GTSF1: variants seen among roughly 807,000 people sequenced by gnomAD.
GTSF1 encodes the protein gametocyte specific factor 1.
GTSF1 carries 11 observed loss-of-function variants against 28.9 expected under a neutral mutation model. The ratio of observed to expected loss-of-function variants is 0.38; its 90% CI spans 0.24 to 0.63. GTSF1 has a LOEUF of 0.63. Among genes scored for constraint, GTSF1 ranks in the 30% least tolerant of loss-of-function variants. GTSF1 has a pLI of 0.56. For missense variants in GTSF1, 146 were observed against 201.0 expected (o/e 0.73, Z 1.66); for synonymous variants, 69 against 65.6 (o/e 1.05, Z -0.25).
At chr12:54,471,356 C>T (rs778033679) in intron 1 of GTSF1, 79 bp from the exon 2 acceptor site, 1 of 966,480 alleles carries the variant, frequency 1.0e-6, no homozygotes, top group Admixed American at 2.9e-5. Context: ...GGAGTCACTT[C>T]TGGATTTGAA....
At chr12:54,466,641 TG>T (rs1956516271) in intron 2 of GTSF1, among the ~76,000 whole-genome samples, 7 of 152,168 alleles carry the variant, frequency 4.6e-5, no homozygotes, top group Admixed American at 4.6e-4. Context: ...TGTCAGCAGC[TG>T]ATAGACTGGA....
intron 2 of GTSF1, chr12:54,469,077 CTTT>C (rs1312585021): frequency 6.6e-6 from 1 of 152,098 alleles, no homozygotes; most frequent in Non-Finnish European, 1.5e-5. Flanking sequence ...CATTCTTCTT[CTTT>C]TTTCTTTTAA....
intron 3 of GTSF1, 56 bp downstream of exon 3, chr12:54,465,011 A>T (rs1270005690): frequency 3.0e-6 from 3 of 999,404 alleles, no homozygotes; most frequent in Non-Finnish European, 4.6e-6. Flanking sequence ...ATATTTATAA[A>T]ATATGGCCTT....
rs140829573 is a variant in GTSF1, at chr12:54,458,474, C to T, written c.*20+615G>A. ...TGCAACCTCTGCCTCCCAGTTCAGG[C>T]GATTCTCCTGCCTCAGCCTCCCGAG... On this transcript the variant is annotated intron_variant, in intron 8 of 8. Coordinates refer to ENST00000305879, the MANE Select transcript of GTSF1 (RefSeq NM_144594.3). Among the ~76,000 whole-genome samples the T allele has an allele frequency of 2.5e-3, 374 of 152,250 alleles. 2 individuals are homozygous for T. The highest frequency in any genetic ancestry group is 8.1e-3 in the African/African-American group (336 of 41,538).
At chr12:54,460,547 G>A (rs1956405698) in intron 6 of GTSF1, 76 bp from the exon 7 acceptor site, 3 of 984,286 alleles carry the variant, frequency 3.0e-6, no homozygotes, top group African/African-American at 3.3e-5. Context: ...ATCAAAATGT[G>A]TTTTTTGTAA....
chr12:54,456,854 G>T (rs532934979), intron 8 of GTSF1, among the ~76,000 whole-genome samples: 42 of 152,276 alleles, frequency 2.8e-4, no homozygotes, highest in African/African-American at 9.6e-4. Context: ...GGAGGCCAAG[G>T]CGGGTGGAAC....
rs1342021886 is a variant in GTSF1, at chr12:54,473,532, G to A, written c.-30+14C>T. 1 of 152,158 alleles carries A rather than the reference G, an allele frequency of 6.6e-6. No individual in the cohort carries two copies. The highest frequency in any genetic ancestry group is 2.4e-5 in the African/African-American group (1 of 41,430). The allele number at this position is 152,158 out of a possible 1,614,324, so 9.4% of individuals were successfully genotyped here. ...AGGAATTGCTTAGAGGCGCCCCGGG[G>A]TGCCTTTCCTTACCTCGGTGGACAC... On this transcript the variant is annotated intron_variant, in intron 1 of 8. Transcript: ENST00000305879.
intron 2 of GTSF1, 117 bp from the exon 3 acceptor site, chr12:54,465,284 A>G (rs1209059441): frequency 1.8e-6 from 1 of 551,802 alleles, no homozygotes; most frequent in African/African-American, 1.9e-5. Flanking sequence ...AATATAGTCT[A>G]AAGAAAACTT....
At chr12:54,472,636 C>T (rs1383345173) in intron 1 of GTSF1, 1 of 152,170 alleles carries the variant, frequency 6.6e-6, no homozygotes, top group Non-Finnish European at 1.5e-5. Context: ...TTGTCTGTCT[C>T]TAGAGCATGC....
At chr12:54,460,934 C>T (rs575472121) in intron 6 of GTSF1, among the ~76,000 whole-genome samples, 2 of 152,272 alleles carry the variant, frequency 1.3e-5, no homozygotes, top group South Asian at 2.1e-4. Context: ...TTACTGTTCT[C>T]AGTAGTTAAA....
intron 8 of GTSF1, 72 bp downstream of exon 8, chr12:54,459,017 C>G: frequency 9.5e-7 from 1 of 1,047,382 alleles, no homozygotes; most frequent in Non-Finnish European, 1.4e-6. Context: ...AAAATTGGAC[C>G]CAAATTGCTT....
intron 6 of GTSF1, among the ~76,000 whole-genome samples, chr12:54,460,805 G>A (rs1051383824): frequency 1.3e-5 from 2 of 152,128 alleles, no homozygotes; most frequent in East Asian, 3.8e-4. Context: ...AAGTGCTAAG[G>A]CAACCAAACC....
In GTSF1 at chr12:54,462,141, G is replaced by C. The variant is rs1027206150; in HGVS notation, c.360C>G (p.Val120=). Residue 120 remains valine (V), a synonymous_variant, in exon 6 of 9, where the codon GTC becomes GTG. Transcript: ENST00000305879. Reference sequence around the variant, plus strand: ...TGTCAGAGTAGTGAGTTGTGCCCCAGACAAATGGGGTGCTGGTCTGCTCCC... The same window carrying C: ...TGTCAGAGTAGTGAGTTGTGCCCCACACAAATGGGGTGCTGGTCTGCTCCC... ...DLWEQTSTPF[V]WGTTHYSDNN... The C allele has an allele frequency of 6.2e-7, 1 of 1,613,726 alleles. No homozygotes were observed. Among genetic ancestry groups the C allele is most frequent in the Admixed American group, 1.7e-5 (1 of 60,000 alleles).
intron 6 of GTSF1, among the ~76,000 whole-genome samples, chr12:54,460,863 C>T (rs73308566): frequency 0.11 from 16,023 of 152,128 alleles, 1,014 homozygotes; most frequent in African/African-American, 0.17. Context: ...TTGTAGCCAA[C>T]GGAATTCATT....
At chr12:54,464,584 A>G (rs533339382) in intron 3 of GTSF1, 1 of 152,440 alleles carries the variant, frequency 6.6e-6, no homozygotes, top group East Asian at 1.9e-4. Context: ...AAAAATCGTT[A>G]TTTATTATTT....
Position 54,465,051 on chromosome 12 carries a change from C to A in GTSF1, c.117+16G>T, listed in dbSNP as rs201025305. On this transcript the variant is annotated intron_variant, in intron 3 of 8. Coordinates refer to ENST00000305879, the MANE Select transcript of GTSF1 (RefSeq NM_144594.3). ...AAGAACTCAGGAGGGTGTTAGAGGG[C>A]AAATTATGACCCTACCTTTCTGCAC... 8 of 1,574,820 alleles carry A rather than the reference C, an allele frequency of 5.1e-6. No homozygotes were observed. The highest frequency in any genetic ancestry group is 6.1e-6 in the Non-Finnish European group (7 of 1,145,450).
Position 54,466,838 on chromosome 12 carries a change from CAG to C in GTSF1, c.17-1673_17-1672del, listed in dbSNP as rs1481545779. ...AATCTTTTTTTTTTTTTTTTTTTGACAGAGTCTTATTCTGTTGCCCAGGCTGG... is the reference window on the plus strand; with the variant it reads ...AATCTTTTTTTTTTTTTTTTTTTGACAGTCTTATTCTGTTGCCCAGGCTGG... On this transcript the variant is annotated intron_variant, in intron 2 of 8. Coordinates refer to ENST00000305879, the MANE Select transcript of GTSF1 (RefSeq NM_144594.3). The C allele has an allele frequency of 2.5e-3, 146 of 58,704 alleles. 1 individual carries two copies. The East Asian group carries it at 0.04, about 16-fold the overall frequency. The allele number at this position is 58,704 out of a possible 1,614,324, so 3.6% of individuals were successfully genotyped here.
chr12:54,458,365 T>C (rs1956368380), intron 8 of GTSF1, among the ~76,000 whole-genome samples: 1 of 152,196 alleles, frequency 6.6e-6, no homozygotes, highest in African/African-American at 2.4e-5. Context: ...CCAAAGCTTT[T>C]ATTTTTTAAA....
chr12:54,465,833 A>C (rs12312643), intron 2 of GTSF1, among the ~76,000 whole-genome samples: 1 of 152,102 alleles, frequency 6.6e-6, no homozygotes, highest in Non-Finnish European at 1.5e-5. Flanking sequence ...TCATCTGTCT[A>C]CTTTAACTTA....
Sources: allele counts gnomAD v4.1 joint callset (sites outside exome capture counted in the v4.1 genomes callset), GRCh38; gene constraint gnomAD v4.1.1; transcripts MANE v1.5; gene names NCBI Gene and HGNC (gene_info 2026-07-23, HGNC 2026-07-21).